The following PPP1R16B variants were observed in gnomAD, a reference collection of about 807,000 sequenced individuals.
The protein encoded by PPP1R16B is protein phosphatase 1 regulatory inhibitor subunit 16B.
Under a neutral mutation model 61.7 loss-of-function variants are expected in PPP1R16B, and 14 were observed. That is an observed-to-expected ratio of 0.23 (90% confidence interval 0.15 to 0.35). The LOEUF (loss-of-function observed/expected upper bound fraction) is 0.35, where lower values mean the gene tolerates loss of function less well. Ranked by LOEUF, PPP1R16B falls within the 10% of genes least tolerant of loss-of-function variation. PPP1R16B has a pLI of 1.00. For missense variants in PPP1R16B, 547 were observed against 752.5 expected, an observed-to-expected ratio of 0.73 and a Z score of 3.19; for synonymous variants, 266 against 305.3, an observed-to-expected ratio of 0.87 and a Z score of 1.34.
At chr20:38,864,830 G>GT (rs2085079031) in intron 2 of PPP1R16B, among the ~76,000 whole-genome samples, 1 of 152,212 alleles carries the variant, frequency 6.6e-6, no homozygotes, top group Admixed American at 6.5e-5. Context: ...GGGTGACACT[G>GT]TGGGACTAAC....
At chr20:38,817,229 G>A (rs74999484) in intron 1 of PPP1R16B, among the ~76,000 whole-genome samples, 7,310 of 152,266 alleles carry the variant, frequency 0.048, 183 homozygotes, top group Non-Finnish European at 0.06. Flanking sequence ...AACGAAGACT[G>A]TTTGGCACAG....
intron 1 of PPP1R16B, among the ~76,000 whole-genome samples, chr20:38,811,984 G>A (rs1196827335): frequency 1.3e-5 from 2 of 152,218 alleles, no homozygotes; most frequent in Non-Finnish European, 2.9e-5. Context: ...GCACACAGGA[G>A]ACAATCAATA....
At chr20:38,894,877 TG>T (rs1034758486) in intron 3 of PPP1R16B, among the ~76,000 whole-genome samples, 1 of 152,192 alleles carries the variant, frequency 6.6e-6, no homozygotes, top group Non-Finnish European at 1.5e-5. Flanking sequence ...TCCCCCTTAC[TG>T]GGGCTGCCCC....
intron 2 of PPP1R16B, among the ~76,000 whole-genome samples, chr20:38,876,660 T>C (rs561748672): frequency 6.6e-6 from 1 of 152,350 alleles, no homozygotes; most frequent in East Asian, 1.9e-4. Flanking sequence ...GTATTATTGT[T>C]GCTATTTAAC....
At chr20:38,861,186 A>C (rs753996511) in intron 2 of PPP1R16B, among the ~76,000 whole-genome samples, 9 of 152,130 alleles carry the variant, frequency 5.9e-5, no homozygotes, top group Admixed American at 6.5e-5. Flanking sequence ...GAGGAAAGTC[A>C]CTCAACCTCT....
intron 1 of PPP1R16B, among the ~76,000 whole-genome samples, chr20:38,830,734 A>G (rs780313994): frequency 3.9e-5 from 6 of 152,236 alleles, no homozygotes; most frequent in Non-Finnish European, 8.8e-5. Flanking sequence ...AAAAGCCTAT[A>G]TACCCTGCTC....
intron 2 of PPP1R16B, among the ~76,000 whole-genome samples, chr20:38,882,085 T>C (rs552154055): frequency 3.3e-5 from 5 of 152,306 alleles, no homozygotes; most frequent in Admixed American, 1.3e-4. Flanking sequence ...TCCTCGTAAC[T>C]GGATTATGAG....
Position 38,921,102 on chromosome 20 carries a change from C to T in PPP1R16B, c.*2436C>T, listed in dbSNP as rs1254418022. 1 of 152,246 alleles carries T rather than the reference C, an allele frequency of 6.6e-6. No homozygotes were observed. Among genetic ancestry groups the T allele is most frequent in the Non-Finnish European group, 1.5e-5 (1 of 68,068 alleles). The allele number at this position is 152,246 out of a possible 1,614,324, so 9.4% of individuals were successfully genotyped here. ...TGCCTCCTGGGCTATTCCTCTCCACCCAGAAGGCTGGGAATCCCAGCTGAT... is the reference window on the plus strand; with the variant it reads ...TGCCTCCTGGGCTATTCCTCTCCACTCAGAAGGCTGGGAATCCCAGCTGAT... On this transcript the variant is annotated 3_prime_UTR_variant, in exon 11 of 11. Coordinates refer to ENST00000299824, the MANE Select transcript of PPP1R16B (RefSeq NM_015568.4).
intron 1 of PPP1R16B, among the ~76,000 whole-genome samples, chr20:38,812,059 T>TTGTGGAACATTTTGAATA (rs1204107369): frequency 6.6e-6 from 1 of 152,214 alleles, no homozygotes; most frequent in Non-Finnish European, 1.5e-5. Flanking sequence ...GGGGTTTAGC[T>TTGTGGAACATTTTGAATA]TGTGGAACAT....
intron 2 of PPP1R16B, among the ~76,000 whole-genome samples, chr20:38,850,077 C>T (rs967936077): frequency 2.6e-5 from 4 of 152,204 alleles, no homozygotes; most frequent in Non-Finnish European, 5.9e-5. Flanking sequence ...CAAGAAATGT[C>T]TCTGAGAAGA....
chr20:38,829,455 G>A (rs2084823529), intron 1 of PPP1R16B, among the ~76,000 whole-genome samples: 1 of 152,202 alleles, frequency 6.6e-6, no homozygotes, highest in South Asian at 2.1e-4. Flanking sequence ...ATTCTCTGCA[G>A]GATGTTCCGT....
At chr20:38,864,811 G>A (rs1037903410) in intron 2 of PPP1R16B, among the ~76,000 whole-genome samples, 6 of 152,152 alleles carry the variant, frequency 3.9e-5, no homozygotes, top group Non-Finnish European at 7.3e-5. Flanking sequence ...ACAAGAAGTG[G>A]GTGTTTCTGG....
At position 38,918,616 on chromosome 20, in the gene PPP1R16B, C is replaced by T. The variant is rs767385655; in HGVS notation, c.1654C>T (p.Pro552Ser). 3 of 1,521,700 alleles carry T rather than the reference C, an allele frequency of 2.0e-6. No homozygotes were observed. The highest frequency in any genetic ancestry group is 1.8e-6 in the Non-Finnish European group (2 of 1,135,804). The allele number at this position is 1,521,700 out of a possible 1,614,324, so 94.3% of individuals were successfully genotyped here. A position where few individuals can be genotyped will look rare whatever the true frequency, so the allele number is the denominator to read the frequency against. Residue 552 changes from proline (P) to serine (S), a missense_variant, in exon 11 of 11, where the codon CCC (proline) becomes TCC (serine). Pro to Ser is a moderately conservative substitution (Grantham distance 74). Transcript: ENST00000299824. This position sits in a 1 kb window ranked among gnomAD's most constrained non-coding sequence, Gnocchi z 5.3. ...GDPPLLKFKAPIEEMEEKVHG... is the reference protein window; with the variant it reads ...GDPPLLKFKASIEEMEEKVHG... Reference sequence around the variant, plus strand: ...TCCCCCACTCTTAAAGTTCAAGGCCCCCATAGAGGAGATGGAGGAGAAGGT... The same window carrying T: ...TCCCCCACTCTTAAAGTTCAAGGCCTCCATAGAGGAGATGGAGGAGAAGGT...
At chr20:38,848,378 G>A (rs576873005) in intron 2 of PPP1R16B, among the ~76,000 whole-genome samples, 6 of 152,220 alleles carry the variant, frequency 3.9e-5, no homozygotes, top group Non-Finnish European at 4.4e-5. Context: ...CTACAAGTTT[G>A]TGAGGCCACC....
chr20:38,872,397 G>A (rs760069264), intron 2 of PPP1R16B, among the ~76,000 whole-genome samples: 8 of 152,194 alleles, frequency 5.3e-5, no homozygotes, highest in Non-Finnish European at 1.2e-4. Flanking sequence ...GAACATTTGC[G>A]GAGCGGGAAA....
chr20:38,876,951 A>T (rs1266189683), intron 2 of PPP1R16B, among the ~76,000 whole-genome samples: 2 of 152,190 alleles, frequency 1.3e-5, no homozygotes, highest in Non-Finnish European at 2.9e-5. Flanking sequence ...AAGTGTGTGG[A>T]TGTATGGAAA....
intron 10 of PPP1R16B, among the ~76,000 whole-genome samples, chr20:38,912,256 T>C (rs2145220): frequency 0.031 from 4,762 of 152,020 alleles, 247 homozygotes; most frequent in African/African-American, 0.11. Flanking sequence ...CCTGCCACCA[T>C]GCCCAGCTAA....
chr20:38,908,909 T>C (rs1273777631), intron 10 of PPP1R16B, among the ~76,000 whole-genome samples: 1 of 152,242 alleles, frequency 6.6e-6, no homozygotes, highest in Non-Finnish European at 1.5e-5. Flanking sequence ...CAGGCGTTCT[T>C]TGGCTCTTGC....
chr20:38,892,977 C>G (rs1212549081), intron 3 of PPP1R16B, among the ~76,000 whole-genome samples: 1 of 152,130 alleles, frequency 6.6e-6, no homozygotes, highest in Non-Finnish European at 1.5e-5. Flanking sequence ...GGGTTGAGAA[C>G]AGGGCCTTTG....
Sources: allele counts gnomAD v4.1 joint callset (sites outside exome capture counted in the v4.1 genomes callset), GRCh38; gene constraint gnomAD v4.1.1; non-coding constraint Gnocchi (gnomAD v3.1); transcripts MANE v1.5; gene names NCBI Gene and HGNC (gene_info 2026-07-23, HGNC 2026-07-21).